Variants in METTL8 observed in about 807,000 individuals in gnomAD.
METTL8 encodes the protein tRNA N(3)-cytidine methyltransferase METTL8, mitochondrial.
Under a neutral mutation model 48.7 loss-of-function variants are expected in METTL8, and 32 were observed. The observed-to-expected ratio is 0.66, with a 90% CI of 0.50 to 0.88. The LOEUF is 0.88. Among genes scored for constraint, METTL8 ranks in the 40% least tolerant of loss-of-function variants. METTL8 has a pLI of 0.00. For synonymous variants in METTL8, 136 were observed against 157.1 expected, an observed-to-expected ratio of 0.87 and a Z score of 1.01; for missense variants, 464 against 474.4, an observed-to-expected ratio of 0.98 and a Z score of 0.20.
rs1307503179 is a variant in METTL8 at position 171,331,734 on chromosome 2, C to G, written c.720+70G>C. 1.5e-5 allele frequency: 19 copies of G among 1,296,210 alleles called. No individual in the cohort carries two copies. The African/African-American group carries it at 2.3e-4, about 16-fold the overall frequency. 80.3% of individuals were successfully genotyped at this position (1,296,210 alleles called of 1,614,324 possible). A position where few individuals can be genotyped will look rare whatever the true frequency, so the allele number is the denominator to read the frequency against. ...GCCCTGCCTCTAGTGATCTTAAAAT[C>G]AAAACAACTTTTATTGTTCTGGGGT... On this transcript the variant is annotated intron_variant, in intron 6 of 9. Transcript: ENST00000375258.
At chr2:171,335,530 T>C (rs1417824723) in intron 5 of METTL8, among the ~76,000 whole-genome samples, 1 of 152,146 alleles carries the variant, frequency 6.6e-6, no homozygotes, top group Non-Finnish European at 1.5e-5. Flanking sequence ...GTTCAAGCAA[T>C]TCTCCTGCCT....
At chr2:171,391,795 T>C (rs1021235254) in intron 2 of METTL8, among the ~76,000 whole-genome samples, 1 of 152,058 alleles carries the variant, frequency 6.6e-6, no homozygotes, top group Non-Finnish European at 1.5e-5. Flanking sequence ...CAGAGGTAAG[T>C]AGGAAGGGCC....
At chr2:171,332,108 A>C in intron 5 of METTL8, 1 of 369,510 alleles carries the variant, frequency 2.7e-6, no homozygotes, top group East Asian at 4.9e-5. Context: ...CTGGTCTTGA[A>C]CTATTGTTCT....
intron 1 of METTL8, among the ~76,000 whole-genome samples, chr2:171,406,325 G>T (rs1690171872): frequency 6.6e-6 from 1 of 152,116 alleles, no homozygotes; most frequent in Non-Finnish European, 1.5e-5. Context: ...ATGAAAGAGG[G>T]GCTTTTTCAA....
chr2:171,370,480 T>G (rs2105499451), intron 2 of METTL8, among the ~76,000 whole-genome samples: 1 of 152,236 alleles, frequency 6.6e-6, no homozygotes, highest in East Asian at 1.9e-4. Flanking sequence ...TTGGTTTTTG[T>G]ATTAGTAATA....
chr2:171,353,708 A>G (rs1452909799), intron 3 of METTL8, among the ~76,000 whole-genome samples: 2 of 152,156 alleles, frequency 1.3e-5, no homozygotes, highest in Admixed American at 1.3e-4. Context: ...TCCCTTTACC[A>G]TCATGTAATG....
intron 2 of METTL8, among the ~76,000 whole-genome samples, chr2:171,388,342 G>A (rs1256288625): frequency 6.6e-6 from 1 of 152,020 alleles, no homozygotes; most frequent in Non-Finnish European, 1.5e-5. Context: ...GCTCTATAAT[G>A]CCTTATACTT....
chr2:171,415,618 G>A (rs1169208523), intron 1 of METTL8, among the ~76,000 whole-genome samples: 1 of 151,910 alleles, frequency 6.6e-6, no homozygotes, highest in Non-Finnish European at 1.5e-5. Flanking sequence ...CCAAAGTGCT[G>A]GGATTACAGG....
At chr2:171,369,885 G>C (rs1686129505) in intron 2 of METTL8, among the ~76,000 whole-genome samples, 1 of 152,074 alleles carries the variant, frequency 6.6e-6, no homozygotes, top group Non-Finnish European at 1.5e-5. Context: ...GACCAACATG[G>C]TGAAACCCCG....
chr2:171,360,525 A>C lies in METTL8; in HGVS notation c.144-12T>G, dbSNP rs1421400121. The C allele has an allele frequency of 1.8e-5, 29 of 1,606,110 alleles. No homozygotes were observed. The highest frequency in any genetic ancestry group is 2.4e-5 in the Non-Finnish European group (28 of 1,176,944). On this transcript the variant is annotated splice_polypyrimidine_tract_variant and intron_variant, in intron 2 of 9. Transcript: ENST00000375258. ...ACTGCATGTGATCCCTATTAAAAAA[A>C]AATAGACTGTAAAATATGCTTTATC...
At chr2:171,349,868 AT>A (rs1342543832) in intron 3 of METTL8, among the ~76,000 whole-genome samples, 1 of 152,210 alleles carries the variant, frequency 6.6e-6, no homozygotes, top group African/African-American at 2.4e-5. Context: ...TTTTATTGAT[AT>A]ATAATAGATA....
At chr2:171,372,150 C>T (rs1252658564) in intron 2 of METTL8, among the ~76,000 whole-genome samples, 1 of 152,044 alleles carries the variant, frequency 6.6e-6, no homozygotes, top group Non-Finnish European at 1.5e-5. Context: ...AGGCACTGGG[C>T]CTGTGAACTG....
At chr2:171,406,865 CT>C (rs746313050) in intron 1 of METTL8, among the ~76,000 whole-genome samples, 141 of 144,112 alleles carry the variant, frequency 9.8e-4, no homozygotes, top group African/African-American at 1.1e-3. Context: ...TTAAATTCCT[CT>C]TTTTTTTTTT....
chr2:171,368,471 T>C (rs1417178551), intron 2 of METTL8, among the ~76,000 whole-genome samples: 1 of 152,144 alleles, frequency 6.6e-6, no homozygotes, highest in Non-Finnish European at 1.5e-5. Flanking sequence ...AAAAATAAAT[T>C]TTGTGCTTCC....
chr2:171,391,906 T>C, intron 2 of METTL8, 137 bp downstream of exon 2: 1 of 792,720 alleles, frequency 1.3e-6, no homozygotes, highest in South Asian at 2.0e-5. Context: ...TCAGGATCGG[T>C]TACCCTAGCT....
intron 2 of METTL8, among the ~76,000 whole-genome samples, chr2:171,377,400 G>A (rs1287178313): frequency 1.3e-5 from 2 of 152,024 alleles, no homozygotes; most frequent in Non-Finnish European, 2.9e-5. Flanking sequence ...ACCTAGTTAA[G>A]CTGAAAAGCT....
chr2:171,373,614 A>G (rs1165434995), intron 2 of METTL8, among the ~76,000 whole-genome samples: 1 of 152,090 alleles, frequency 6.6e-6, no homozygotes, highest in Non-Finnish European at 1.5e-5. Context: ...ATGGTTTTAG[A>G]TCTAACATTT....
intron 1 of METTL8, among the ~76,000 whole-genome samples, chr2:171,429,950 G>A (rs952082568): frequency 2.0e-5 from 3 of 151,722 alleles, no homozygotes; most frequent in African/African-American, 7.3e-5. Context: ...TAAGACAGGA[G>A]AATCACTTGA....
intron 7 of METTL8, among the ~76,000 whole-genome samples, chr2:171,326,821 G>T (rs762773885): frequency 2.0e-5 from 3 of 151,964 alleles, no homozygotes; most frequent in Non-Finnish European, 4.4e-5. Flanking sequence ...TTCCTAACAC[G>T]CTGTATTATT....
Sources: allele counts gnomAD v4.1 joint callset (sites outside exome capture counted in the v4.1 genomes callset), GRCh38; gene constraint gnomAD v4.1.1; transcripts MANE v1.5; gene names NCBI Gene and HGNC (gene_info 2026-07-23, HGNC 2026-07-21).